SETD3: variants seen among roughly 807,000 people sequenced by gnomAD.
The protein encoded by SETD3 is actin-histidine N-methyltransferase.
A neutral mutation model predicts 63.0 loss-of-function variants in SETD3; 19 were observed. The observed-to-expected ratio is 0.30, with a 90% CI of 0.21 to 0.44. The LOEUF (loss-of-function observed/expected upper bound fraction) is 0.44. SETD3 is among the 20% of genes least tolerant of loss of function. SETD3 has a pLI of 1.00. For missense variants in SETD3, 587 were observed against 728.5 expected, an observed-to-expected ratio of 0.81 and a Z score of 2.24; for synonymous variants, 286 against 264.1, an observed-to-expected ratio of 1.08 and a Z score of -0.80.
At chr14:99,435,943 A>G (rs772314829) in intron 6 of SETD3, among the ~76,000 whole-genome samples, 6 of 152,160 alleles carry the variant, frequency 3.9e-5, no homozygotes, top group Non-Finnish European at 8.8e-5. Context: ...TTATAAAGCT[A>G]AGAGGTTTAA....
intron 6 of SETD3, among the ~76,000 whole-genome samples, chr14:99,451,949 A>G (rs374391379): frequency 1.3e-5 from 2 of 152,170 alleles, no homozygotes; most frequent in African/African-American, 2.4e-5. Context: ...CAAGAAGAAG[A>G]TATTTGACAT....
intron 6 of SETD3, among the ~76,000 whole-genome samples, chr14:99,436,257 C>T (rs958799602): frequency 1.3e-5 from 2 of 152,166 alleles, no homozygotes; most frequent in African/African-American, 4.8e-5. Flanking sequence ...AGATCACCAC[C>T]GTACTTCCGC....
intron 1 of SETD3, among the ~76,000 whole-genome samples, chr14:99,480,036 A>T (rs556205274): frequency 6.6e-6 from 1 of 152,160 alleles, no homozygotes; most frequent in Non-Finnish European, 1.5e-5. Context: ...ACTCTAAAGC[A>T]CCGAATTGCC....
chr14:99,449,201 C>T (rs1328770087), intron 6 of SETD3, among the ~76,000 whole-genome samples: 1 of 152,138 alleles, frequency 6.6e-6, no homozygotes, highest in Admixed American at 6.5e-5. Context: ...AGAAAATCAC[C>T]ACTTGGCAAA....
chr14:99,407,530 T>C (rs1891750580), intron 8 of SETD3, among the ~76,000 whole-genome samples: 1 of 152,218 alleles, frequency 6.6e-6, no homozygotes, highest in Admixed American at 6.5e-5. Context: ...GTCACTCTCC[T>C]GTTCAAAATC....
chr14:99,399,057 T>C lies in SETD3; in HGVS notation c.1407A>G (p.Leu469=), dbSNP rs770297201. The C allele has an allele frequency of 6.2e-6, 10 of 1,614,112 alleles. No individual in the cohort carries two copies. The highest frequency in any genetic ancestry group is 1.7e-5 in the Admixed American group (1 of 60,012). ...VRAKMAIKLR[L]GEKEILEKAV... Reference sequence around the variant, plus strand: ...CTTTTTCCAAAATCTCTTTCTCACCTAAGCGCAATTTGATGGCCATTTTTG... The same window carrying C: ...CTTTTTCCAAAATCTCTTTCTCACCCAAGCGCAATTTGATGGCCATTTTTG... Residue 469 remains leucine, a synonymous_variant, in exon 13 of 13, where the codon TTA becomes TTG. Coordinates refer to ENST00000331768, the MANE Select transcript of SETD3 (RefSeq NM_032233.3).
At chr14:99,466,990 A>G (rs148072800) in intron 1 of SETD3, among the ~76,000 whole-genome samples, 29 of 152,350 alleles carry the variant, frequency 1.9e-4, no homozygotes, top group Non-Finnish European at 3.5e-4. Flanking sequence ...AACTATCACC[A>G]TGTGAAGAAC....
chr14:99,430,380 T>C (rs1893105863), intron 6 of SETD3, among the ~76,000 whole-genome samples: 1 of 152,234 alleles, frequency 6.6e-6, no homozygotes, highest in Non-Finnish European at 1.5e-5. Context: ...ATTTTCTACC[T>C]GATGCTAGTT....
chr14:99,441,328 C>G (rs1054813549), intron 6 of SETD3, among the ~76,000 whole-genome samples: 1 of 152,352 alleles, frequency 6.6e-6, no homozygotes, highest in African/African-American at 2.4e-5. Context: ...CCTGGCCACA[C>G]GTGACTTACA....
In SETD3 at chr14:99,458,464, C is replaced by G; in HGVS notation, c.490G>C (p.Glu164Gln). 1.2e-6 allele frequency: 2 copies of G among 1,614,106 alleles called. No individual in the cohort carries two copies. Among genetic ancestry groups the G allele is most frequent in the East Asian group, 4.5e-5 (2 of 44,890 alleles). Residue 164 changes from glutamate (E) to glutamine (Q), a missense_variant, in exon 6 of 13, where the codon GAG (glutamate) becomes CAG (glutamine). Physicochemically the swap from Glu to Gln is conservative, Grantham distance 29 (BLOSUM62 2). Transcript: ENST00000331768. ...NIALAFHLLC[E>Q]RASPNSFWQP... ...CAGAAGGAGTTAGGGCTGGCTCGCTCACACAGCAAATGAAAGGCCAGTGCG... is the reference window on the plus strand; with the variant it reads ...CAGAAGGAGTTAGGGCTGGCTCGCTGACACAGCAAATGAAAGGCCAGTGCG...
chr14:99,452,885 G>A (rs1396487580), intron 6 of SETD3, among the ~76,000 whole-genome samples: 1 of 152,198 alleles, frequency 6.6e-6, no homozygotes, highest in Admixed American at 6.5e-5. Context: ...TTCACATGCA[G>A]AGTTTGGTAC....
At chr14:99,422,910 T>TG (rs907348744) in intron 6 of SETD3, among the ~76,000 whole-genome samples, 2 of 152,166 alleles carry the variant, frequency 1.3e-5, no homozygotes, top group Non-Finnish European at 2.9e-5. Context: ...CCAAGGCGCC[T>TG]GGGGACAGAG....
intron 6 of SETD3, among the ~76,000 whole-genome samples, chr14:99,426,068 C>T (rs569563772): frequency 2.6e-5 from 4 of 152,292 alleles, no homozygotes; most frequent in East Asian, 3.9e-4. Context: ...CAAACATACA[C>T]ATTTTCACAA....
At position 99,399,093 on chromosome 14, in the gene SETD3, A is replaced by G. The variant is rs759410631; in HGVS notation, c.1371T>C (p.Leu457=). Residue 457 remains leucine (L), a synonymous_variant, in exon 13 of 13, where the codon CTT becomes CTC. Coordinates refer to ENST00000331768, the MANE Select transcript of SETD3 (RefSeq NM_032233.3). ...EDKSVLKNHD[L]SVRAKMAIKL... ...TGATGGCCATTTTTGCACGAACAGA[A>G]AGATCGTGGTTTTTCAAGACGGATT... 4.3e-6 allele frequency: 7 copies of G among 1,614,004 alleles called. No homozygotes were observed. In the South Asian group the frequency reaches 6.6e-5, roughly 15 times the overall value.
chr14:99,458,626 A>C, intron 5 of SETD3, 91 bp from the exon 6 acceptor site: 1 of 1,455,948 alleles, frequency 6.9e-7, no homozygotes, highest in Non-Finnish European at 9.1e-7. Flanking sequence ...GAAAAACTAA[A>C]AGGTCTTGTA....
intron 10 of SETD3, 27 bp from the exon 11 acceptor site, chr14:99,404,337 T>C (rs1200286984): frequency 1.9e-6 from 3 of 1,606,288 alleles, no homozygotes; most frequent in South Asian, 1.1e-5. Context: ...GCAAGATCAG[T>C]CACCCTGCTG....
intron 6 of SETD3, among the ~76,000 whole-genome samples, chr14:99,430,651 C>T (rs574639470): frequency 1.3e-5 from 2 of 152,256 alleles, no homozygotes; most frequent in East Asian, 3.9e-4. Context: ...TGCTCTCAGG[C>T]CTCTAGGGGC....
At chr14:99,459,025 C>G in intron 5 of SETD3, 88 bp downstream of exon 5, 1 of 918,584 alleles carries the variant, frequency 1.1e-6, no homozygotes, top group South Asian at 1.8e-5. Context: ...TCGAGAAAAA[C>G]CAAGTATTAT....
chr14:99,410,105 G>T, intron 8 of SETD3: 1 of 1,088,818 alleles, frequency 9.2e-7, no homozygotes, highest in Non-Finnish European at 1.4e-6. Flanking sequence ...TCCACATAGG[G>T]TGCTCAGGGC....
Sources: gnomAD v4.1 joint callset for allele counts (sites outside exome capture counted in the v4.1 genomes callset) on GRCh38, gnomAD v4.1.1 for gene constraint, MANE v1.5 for transcripts, NCBI Gene and HGNC (gene_info 2026-07-23, HGNC 2026-07-21) for gene names.